CDH18: variants seen among roughly 807,000 people sequenced by gnomAD.
The protein encoded by CDH18 is cadherin-18.
CDH18 carries 31 observed loss-of-function variants against 67.9 expected under a neutral mutation model. The ratio of observed to expected loss-of-function variants is 0.46; its 90% CI spans 0.34 to 0.62. The LOEUF (loss-of-function observed/expected upper bound fraction) is 0.62, where lower values mean the gene tolerates loss of function less well. Ranked by LOEUF, CDH18 falls within the 20% of genes least tolerant of loss-of-function variation. The probability of loss-of-function intolerance (pLI) is 0.01; values close to 1 mark genes in which losing one functional copy is unlikely to be tolerated. For synonymous variants in CDH18, 362 were observed against 347.2 expected (o/e 1.04, Z -0.48); for missense variants, 890 against 975.5 (o/e 0.91, Z 1.17).
intron 10 of CDH18, among the ~76,000 whole-genome samples, chr5:19,506,867 C>G (rs1561222821): frequency 6.6e-6 from 1 of 152,154 alleles, no homozygotes; most frequent in Non-Finnish European, 1.5e-5. Flanking sequence ...GTCTAAAACA[C>G]CAAAAGCAAT....
intron 4 of CDH18, among the ~76,000 whole-genome samples, chr5:19,729,664 T>A (rs1292899222): frequency 6.6e-6 from 1 of 152,086 alleles, no homozygotes; most frequent in African/African-American, 2.4e-5. Context: ...TAGAAGGGAG[T>A]AATATCCAGG....
chr5:20,463,198 T>G (rs1204833426), intron 1 of CDH18, among the ~76,000 whole-genome samples: 1 of 144,410 alleles, frequency 6.9e-6, no homozygotes, highest in East Asian at 1.9e-4. Flanking sequence ...CTCCTGGCAT[T>G]ATACATTTGA....
intron 2 of CDH18, among the ~76,000 whole-genome samples, chr5:20,149,913 CA>C (rs1217892223): frequency 6.6e-6 from 1 of 152,028 alleles, no homozygotes; most frequent in Non-Finnish European, 1.5e-5. Flanking sequence ...AGACAAGTTA[CA>C]TTCCTAAATT....
chr5:20,244,780 CTT>C (rs1743249230), intron 2 of CDH18, among the ~76,000 whole-genome samples: 1 of 152,148 alleles, frequency 6.6e-6, no homozygotes, highest in East Asian at 1.9e-4. Flanking sequence ...CTTGTAATGT[CTT>C]TTCCTCTGCA....
intron 1 of CDH18, among the ~76,000 whole-genome samples, chr5:20,502,985 A>G (rs1302414130): frequency 1.4e-5 from 2 of 140,166 alleles, no homozygotes; most frequent in Admixed American, 7.4e-5. Flanking sequence ...AAAAAGGTCA[A>G]TGCTAGCCTG....
intron 1 of CDH18, among the ~76,000 whole-genome samples, chr5:20,480,549 C>A (rs1000410131): frequency 6.6e-6 from 1 of 151,978 alleles, no homozygotes; most frequent in African/African-American, 2.4e-5. Context: ...TCCCAAGTAG[C>A]TGGGATTACA....
intron 1 of CDH18, among the ~76,000 whole-genome samples, chr5:20,332,889 C>G (rs1413162485): frequency 1.3e-5 from 2 of 152,082 alleles, no homozygotes; most frequent in African/African-American, 4.8e-5. Context: ...CACTCACATA[C>G]ACACCCACAC....
intron 2 of CDH18, among the ~76,000 whole-genome samples, chr5:20,244,835 C>T (rs1743254095): frequency 6.6e-6 from 1 of 151,886 alleles, no homozygotes. Flanking sequence ...AATAAAGATC[C>T]TAGTGAAACA....
At chr5:19,708,506 A>C (rs571775304) in intron 5 of CDH18, among the ~76,000 whole-genome samples, 2 of 152,148 alleles carry the variant, frequency 1.3e-5, no homozygotes, top group Admixed American at 6.6e-5. Flanking sequence ...AACAGGCCCC[A>C]AAACTGGCCA....
chr5:19,745,794 T>C (rs998972118), intron 4 of CDH18, among the ~76,000 whole-genome samples: 1 of 152,040 alleles, frequency 6.6e-6, no homozygotes, highest in Admixed American at 6.6e-5. Flanking sequence ...CCTCACTCTC[T>C]TCCTTACCTG....
chr5:19,735,647 G>A (rs963946179), intron 4 of CDH18, among the ~76,000 whole-genome samples: 8 of 151,450 alleles, frequency 5.3e-5, no homozygotes, highest in Middle Eastern at 3.4e-3. Flanking sequence ...CTCCCGCCTC[G>A]GCCTCCCAAA....
intron 1 of CDH18, among the ~76,000 whole-genome samples, chr5:20,506,648 C>T (rs192863246): frequency 4.7e-4 from 71 of 152,318 alleles, no homozygotes; most frequent in African/African-American, 1.6e-3. Flanking sequence ...TCAGTTAAGC[C>T]ACACCCAGAC....
intron 9 of CDH18, among the ~76,000 whole-genome samples, chr5:19,532,256 T>A (rs1748741009): frequency 6.6e-6 from 1 of 152,220 alleles, no homozygotes; most frequent in Admixed American, 6.5e-5. Flanking sequence ...ACATAAACTT[T>A]ATCAATGTAT....
At chr5:20,531,917 A>T (rs1041926055) in intron 1 of CDH18, among the ~76,000 whole-genome samples, 3 of 152,158 alleles carry the variant, frequency 2.0e-5, no homozygotes, top group African/African-American at 7.2e-5. Flanking sequence ...AATTTAATTA[A>T]GAAAAGAAAA....
At chr5:20,523,283 C>T (rs572109055) in intron 1 of CDH18, among the ~76,000 whole-genome samples, 1 of 152,132 alleles carries the variant, frequency 6.6e-6, no homozygotes, top group Admixed American at 6.6e-5. Flanking sequence ...GCTGAGTTGA[C>T]ATTTTAATTG....
chr5:19,584,268 T>C (rs1240260712), intron 7 of CDH18, among the ~76,000 whole-genome samples: 1 of 152,160 alleles, frequency 6.6e-6, no homozygotes, highest in Non-Finnish European at 1.5e-5. Context: ...ACCAGTGAAT[T>C]CAACTTGGCA....
At chr5:19,755,563 A>AATAAAATATAGGATAT (rs1273873834) in intron 3 of CDH18, among the ~76,000 whole-genome samples, 29 of 144,760 alleles carry the variant, frequency 2.0e-4, no homozygotes, top group African/African-American at 7.0e-4. Flanking sequence ...TTTTATATAT[A>AATAAAATATAGGATAT]ATAAAATATA....
chr5:20,477,023 T>C (rs1285773187), intron 1 of CDH18, among the ~76,000 whole-genome samples: 1 of 152,186 alleles, frequency 6.6e-6, no homozygotes, highest in African/African-American at 2.4e-5. Flanking sequence ...GATTACAGAG[T>C]TTTAGGGATG....
intron 3 of CDH18, among the ~76,000 whole-genome samples, chr5:19,756,805 A>C (rs1428598905): frequency 1.3e-5 from 2 of 152,212 alleles, no homozygotes; most frequent in Non-Finnish European, 2.9e-5. Context: ...CAGTAACAGG[A>C]AGCAAATATT....
Sources: gnomAD v4.1 joint callset for allele counts (sites outside exome capture counted in the v4.1 genomes callset) on GRCh38, gnomAD v4.1.1 for gene constraint, MANE v1.5 for transcripts, NCBI Gene and HGNC (gene_info 2026-07-23, HGNC 2026-07-21) for gene names.